Variants in PHLDB1 observed in about 807,000 individuals in gnomAD.
The protein encoded by PHLDB1 is pleckstrin homology like domain family B member 1.
PHLDB1 carries 65 observed loss-of-function variants against 139.3 expected under a neutral mutation model. The ratio of observed to expected loss-of-function variants is 0.47; its 90% CI spans 0.38 to 0.57. The LOEUF (loss-of-function observed/expected upper bound fraction) is 0.57. PHLDB1 is among the 20% of genes least tolerant of loss of function. PHLDB1 has a pLI of 0.00. For synonymous variants in PHLDB1, 679 were observed against 734.5 expected, an observed-to-expected ratio of 0.92 and a Z score of 1.22; for missense variants, 1,624 against 1,839.7, an observed-to-expected ratio of 0.88 and a Z score of 2.14.
At position 118,648,165 on chromosome 11, in the gene PHLDB1, G is replaced by A. The variant is rs185878598; in HGVS notation, c.3654+89G>A. The A allele has an allele frequency of 3.9e-3, 5,016 of 1,294,396 alleles. 42 individuals carry two copies. Among genetic ancestry groups the A allele is most frequent in the Non-Finnish European group, 2.9e-3 (2,724 of 924,006 alleles). 80.2% of individuals were successfully genotyped at this position (1,294,396 alleles called of 1,614,324 possible). ...GATCCCAGGGTTTCTGTGTTGGGCT[G>A]TAAAACCTGTTCTACTCCAGAAAAG... On this transcript the variant is annotated intron_variant, in intron 18 of 22. Transcript: ENST00000600882.
intron 10 of PHLDB1, 134 bp downstream of exon 10, chr11:118,635,682 GGTT>G: frequency 2.5e-6 from 2 of 804,384 alleles, no homozygotes; most frequent in East Asian, 3.0e-5. Context: ...AATTACAACA[GGTT>G]GTTGTGAGAA....
rs1159600778 is a variant in PHLDB1 at position 118,631,310 on chromosome 11, C to A, written c.1931C>A (p.Ala644Glu). The A allele has an allele frequency of 1.3e-6, 2 of 1,546,270 alleles. No homozygotes were observed. Among genetic ancestry groups the A allele is most frequent in the Middle Eastern group, 1.7e-4 (1 of 5,828 alleles). ...GELPSIGEATAALALAGRRPS... is the reference protein window; with the variant it reads ...GELPSIGEATEALALAGRRPS... ...CTTCCCAGCATTGGGGAGGCCACCGCAGCATTGGCACTGGCAGGCCGGAGG... is the reference window on the plus strand; with the variant it reads ...CTTCCCAGCATTGGGGAGGCCACCGAAGCATTGGCACTGGCAGGCCGGAGG... Residue 644 changes from alanine (A) to glutamate (E), a missense_variant, in exon 7 of 23, where the codon GCA becomes GAA. Coordinates refer to ENST00000600882, the MANE Select transcript of PHLDB1 (RefSeq NM_001144758.3).
chr11:118,634,062 CT>C (rs1176337640), intron 9 of PHLDB1: 1 of 152,394 alleles, frequency 6.6e-6, no homozygotes, highest in Non-Finnish European at 1.5e-5. Context: ...TGGCTCCACT[CT>C]GGCTTTGGAA....
rs571234727 is a variant in PHLDB1, at chr11:118,615,896, G to A, written c.185-145G>A. The A allele has an allele frequency of 1.1e-4, 74 of 655,444 alleles. No homozygotes were observed. The East Asian group carries it at 2.0e-3, about 17-fold the overall frequency. The allele number at this position is 655,444 out of a possible 1,614,324, so 40.6% of individuals were successfully genotyped here. A position where few individuals can be genotyped will look rare whatever the true frequency, so the allele number is the denominator to read the frequency against. Reference sequence around the variant, plus strand: ...CACTTACTGTATAGACCAGGCTCAGGGGCCTAGTAGGGGTGGCCAGTGGTG... The same window carrying A: ...CACTTACTGTATAGACCAGGCTCAGAGGCCTAGTAGGGGTGGCCAGTGGTG... On this transcript the variant is annotated intron_variant, in intron 3 of 22. Transcript: ENST00000600882.
Position 118,645,305 on chromosome 11 carries a change from T to C in PHLDB1, c.3122-51T>C. 7.0e-7 allele frequency: 1 copy of C among 1,423,790 alleles called. No homozygotes were observed. The highest frequency in any genetic ancestry group is 9.4e-7 in the Non-Finnish European group (1 of 1,060,036). The allele number at this position is 1,423,790 out of a possible 1,614,324, so 88.2% of individuals were successfully genotyped here. ...GTGTGTTGTGCTGCCAGTGGCCTGC[T>C]CCTTAGCTGCGTGGGGAGCCCACTG... On this transcript the variant is annotated intron_variant, in intron 15 of 22. Transcript: ENST00000600882. The surrounding 1 kb of genome is among the most constrained non-coding windows in gnomAD (Gnocchi z 5.1).
At position 118,631,431 on chromosome 11, in the gene PHLDB1, G is replaced by A; in HGVS notation, c.2052G>A (p.Glu684=). 1.4e-6 allele frequency: 2 copies of A among 1,448,524 alleles called. No homozygotes were observed. Among genetic ancestry groups the A allele is most frequent in the Non-Finnish European group, 9.1e-7 (1 of 1,100,138 alleles). The allele number at this position is 1,448,524 out of a possible 1,614,324, so 89.7% of individuals were successfully genotyped here. Residue 684 remains glutamate, a synonymous_variant, in exon 7 of 23, where the codon GAG becomes GAA. Transcript: ENST00000600882. ...GGGAGAGTATGGAGCGCTCAGATGA[G>A]GAAAATCTCAAGGAGGAGTGCAGCA... The part of the protein sequence containing the change: ...RLWESMERSD[E]ENLKEECSST...
intron 7 of PHLDB1, 24 bp from the exon 8 acceptor site, chr11:118,631,889 G>C (rs1555110975): frequency 5.0e-6 from 8 of 1,591,368 alleles, no homozygotes; most frequent in Non-Finnish European, 6.8e-6. Context: ...GGCTTCCTCA[G>C]TTGATAGCTT....
At chr11:118,615,796 G>A (rs1418045590) in intron 3 of PHLDB1, among the ~76,000 whole-genome samples, 1 of 152,236 alleles carries the variant, frequency 6.6e-6, no homozygotes, top group Admixed American at 6.5e-5. Flanking sequence ...GTCCTACTGT[G>A]TGCTGTCTGG....
In PHLDB1 at chr11:118,647,923, G is replaced by T. The variant is rs546074203; in HGVS notation, c.3508-7G>T. Reference sequence around the variant, plus strand: ...CATAGGTGCTGACCCCTTGGCTTTGGGGGCAGGAGCGGGAGATGGAGCTGC... The same window carrying T: ...CATAGGTGCTGACCCCTTGGCTTTGTGGGCAGGAGCGGGAGATGGAGCTGC... On this transcript the variant is annotated splice_polypyrimidine_tract_variant and splice_region_variant and intron_variant, in intron 17 of 22. Transcript: ENST00000600882. 21 of 1,561,632 alleles carry T rather than the reference G, an allele frequency of 1.3e-5. No individual in the cohort carries two copies. The South Asian group carries it at 2.4e-4, about 18-fold the overall frequency.
In PHLDB1 at chr11:118,656,639, C is replaced by T. The variant is rs201209339; in HGVS notation, c.3994-44C>T. On this transcript the variant is annotated intron_variant, in intron 22 of 22. Transcript: ENST00000600882. ...GGAGGCAGGTGAGAATATTCCTGGG[C>T]ATGGGTGAGCCCCATCTTAGACCTT... is the stretch of plus-strand genomic sequence containing the variant. 6.3e-6 allele frequency: 10 copies of T among 1,590,224 alleles called. No individual in the cohort carries two copies. The East Asian group carries it at 2.2e-4, about 36-fold the overall frequency.
upstream of PHLDB1, chr11:118,607,523 G>A (rs1243140462): frequency 7.3e-6 from 1 of 137,256 alleles, no homozygotes; most frequent in Admixed American, 7.3e-5. Flanking sequence ...TGGCCAGGCG[G>A]ACGGGACGGG....
rs1481668100 is a variant in PHLDB1 at position 118,647,733 on chromosome 11, G to T, written c.3508-197G>T. On this transcript the variant is annotated intron_variant, in intron 17 of 22. Transcript: ENST00000600882. The stretch of plus-strand genomic sequence containing the variant: ...CATAGTGGTAGCGGGGCCAGGGTTT[G>T]AAGTCAGGACAGTCATGCTTAAAGC... 7.3e-6 allele frequency: 4 copies of T among 544,394 alleles called. No individual in the cohort carries two copies. The East Asian group carries it at 1.2e-4, about 16-fold the overall frequency. 33.7% of individuals were successfully genotyped at this position (544,394 alleles called of 1,614,324 possible). A position where few individuals can be genotyped will look rare whatever the true frequency, so the allele number is the denominator to read the frequency against.
At chr11:118,607,728 C>G (rs1939401792) in intron 1 of PHLDB1, 29 bp downstream of exon 1, 1 of 141,982 alleles carries the variant, frequency 7.0e-6, no homozygotes, top group Admixed American at 7.0e-5. Context: ...ACTACACTTG[C>G]GGGTCCCATT....
At chr11:118,636,620 G>A (rs1945698101) in intron 10 of PHLDB1, 1 of 152,182 alleles carries the variant, frequency 6.6e-6, no homozygotes, top group Non-Finnish European at 1.5e-5. Flanking sequence ...CCATTTTATA[G>A]ACAAGGAAAC....
intron 15 of PHLDB1, 25 bp downstream of exon 15, chr11:118,644,199 C>T (rs781820900): frequency 2.0e-6 from 3 of 1,533,988 alleles, no homozygotes; most frequent in Non-Finnish European, 2.7e-6. Flanking sequence ...CGCCAGCCCA[C>T]CTGCTCTCCT....
At chr11:118,647,081 T>C (rs1418624584) in intron 17 of PHLDB1, 1 of 152,246 alleles carries the variant, frequency 6.6e-6, no homozygotes, top group Non-Finnish European at 1.5e-5. Context: ...TAAAATCCTT[T>C]TATAGTGGCT....
chr11:118,635,804 C>A (rs1226299143), intron 10 of PHLDB1, among the ~76,000 whole-genome samples: 11 of 152,194 alleles, frequency 7.2e-5, no homozygotes, highest in African/African-American at 2.7e-4. Context: ...AAAGTGGATT[C>A]TGCTCCCATT....
Position 118,610,493 on chromosome 11 carries a change from G to GGGCCGA in PHLDB1, c.-22+2807_-22+2812dup, listed in dbSNP as rs1939944074. The GGGCCGA allele has an allele frequency of 3.0e-6, 3 of 983,910 alleles. No individual in the cohort carries two copies. The highest frequency in any genetic ancestry group is 1.7e-5 in the African/African-American group (1 of 57,336). The allele number at this position is 983,910 out of a possible 1,614,324, so 60.9% of individuals were successfully genotyped here. Reference sequence around the variant, plus strand: ...CTCTGGCCACAGCCATGCACCGCTTGGGCCGAGGCCGAGGCCGACCCCCAG... The same window carrying GGGCCGA: ...CTCTGGCCACAGCCATGCACCGCTTGGGCCGAGGCCGAGGCCGAGGCCGACCCCCAG... On this transcript the variant is annotated intron_variant, in intron 1 of 22. Coordinates refer to ENST00000600882, the MANE Select transcript of PHLDB1 (RefSeq NM_001144758.3). This position sits in a 1 kb window ranked among gnomAD's most constrained non-coding sequence, Gnocchi z 8.7.
Position 118,631,308 on chromosome 11 carries a change from C to T in PHLDB1, c.1929C>T (p.Thr643=), listed in dbSNP as rs555202176. ...AGELPSIGEA[T]AALALAGRRP... Reference sequence around the variant, plus strand: ...AGCTTCCCAGCATTGGGGAGGCCACCGCAGCATTGGCACTGGCAGGCCGGA... The same window carrying T: ...AGCTTCCCAGCATTGGGGAGGCCACTGCAGCATTGGCACTGGCAGGCCGGA... The change falls in exon 7 of 23, where the codon ACC becomes ACT. Residue 643 remains threonine (T), a synonymous_variant. Coordinates refer to ENST00000600882, the MANE Select transcript of PHLDB1 (RefSeq NM_001144758.3). The T allele has an allele frequency of 6.7e-5, 104 of 1,544,320 alleles. No homozygotes were observed. The highest frequency in any genetic ancestry group is 8.6e-5 in the Non-Finnish European group (99 of 1,147,214).
Sources: allele counts gnomAD v4.1 joint callset (sites outside exome capture counted in the v4.1 genomes callset), GRCh38; gene constraint gnomAD v4.1.1; non-coding constraint Gnocchi (gnomAD v3.1); transcripts MANE v1.5; gene names NCBI Gene and HGNC (gene_info 2026-07-23, HGNC 2026-07-21).